BICD1: variants seen among roughly 807,000 people sequenced by gnomAD.
The protein encoded by BICD1 is protein bicaudal D homolog 1.
In BICD1, 35 loss-of-function variants were observed where a neutral mutation model predicts 92.5. That is an observed-to-expected ratio of 0.38 (90% CI 0.29 to 0.50). The LOEUF (loss-of-function observed/expected upper bound fraction) is 0.50. Ranked by LOEUF, BICD1 falls within the 20% of genes least tolerant of loss-of-function variation. The pLI is 0.93. For synonymous variants in BICD1, 429 were observed against 465.1 expected (o/e 0.92, Z 1.00); for missense variants, 950 against 1,189.8 (o/e 0.80, Z 2.97).
chr12:32,215,245 A>G (rs1565592599), intron 1 of BICD1, among the ~76,000 whole-genome samples: 1 of 152,192 alleles, frequency 6.6e-6, no homozygotes, highest in East Asian at 1.9e-4. Context: ...AAAAAGAACC[A>G]TGTGAAAAGG....
chr12:32,233,842 A>G (rs757730865), intron 2 of BICD1, among the ~76,000 whole-genome samples: 1 of 152,176 alleles, frequency 6.6e-6, no homozygotes, highest in African/African-American at 2.4e-5. Flanking sequence ...TCCAAAGAGC[A>G]TCCCAGTTGG....
chr12:32,165,029 C>A (rs986030643), intron 1 of BICD1, among the ~76,000 whole-genome samples: 22 of 152,168 alleles, frequency 1.4e-4, no homozygotes, highest in African/African-American at 5.3e-4. Context: ...GGAGGTCTCT[C>A]GAGAAAGATC....
At chr12:32,181,105 C>T (rs1944259813) in intron 1 of BICD1, among the ~76,000 whole-genome samples, 2 of 151,750 alleles carry the variant, frequency 1.3e-5, no homozygotes, top group South Asian at 2.1e-4. Flanking sequence ...CATACAAATA[C>T]TAAAGAGGTG....
rs1333591237 is a variant in BICD1 at position 32,117,892 on chromosome 12, A to C, written c.213+10348A>C. On this transcript the variant is annotated intron_variant, in intron 1 of 9. Coordinates refer to ENST00000652176, the MANE Select transcript of BICD1 (RefSeq NM_001714.4). ...CAGGCTCCCGAGTAGCTGGGATTACAGGCATGCACCACCATGCCCAGCTAA... is the reference window on the plus strand; with the variant it reads ...CAGGCTCCCGAGTAGCTGGGATTACCGGCATGCACCACCATGCCCAGCTAA... Among the ~76,000 whole-genome samples, 3 of 150,072 alleles carry C rather than the reference A, an allele frequency of 2.0e-5. No individual in the cohort carries two copies. In the East Asian group the frequency reaches 5.9e-4, roughly 29 times the overall value.
intron 5 of BICD1, among the ~76,000 whole-genome samples, chr12:32,330,430 G>A (rs1294115196): frequency 7.6e-6 from 1 of 131,074 alleles, no homozygotes; most frequent in Non-Finnish European, 1.6e-5. Context: ...GTTGTGGGGT[G>A]GGGGGAGGGG....
intron 1 of BICD1, among the ~76,000 whole-genome samples, chr12:32,120,883 GA>G (rs1565528982): frequency 2.3e-5 from 3 of 131,136 alleles, no homozygotes; most frequent in Non-Finnish European, 4.7e-5. Context: ...GAGAGAGAGA[GA>G]GAGAGAGAGA....
intron 1 of BICD1, among the ~76,000 whole-genome samples, chr12:32,205,145 T>C (rs1352850372): frequency 2.6e-5 from 4 of 152,218 alleles, no homozygotes; most frequent in African/African-American, 9.6e-5. Context: ...AGCTACTGCA[T>C]TGTTAGGACA....
chr12:32,340,018 C>T, intron 8 of BICD1: 1 of 915,870 alleles, frequency 1.1e-6, no homozygotes, highest in South Asian at 5.0e-5. Flanking sequence ...TACTTATACC[C>T]AGCCTGCTAT....
chr12:32,155,566 G>A (rs1943412978), intron 1 of BICD1, among the ~76,000 whole-genome samples: 1 of 152,156 alleles, frequency 6.6e-6, no homozygotes, highest in African/African-American at 2.4e-5. Context: ...ATGCTACAGA[G>A]AAAGGAAAGT....
rs1162662533 is a variant in BICD1, at chr12:32,142,405, T to TAAAAAAAAA, written c.213+34879_213+34887dup. On this transcript the variant is annotated intron_variant, in intron 1 of 9. Coordinates refer to ENST00000652176, the MANE Select transcript of BICD1 (RefSeq NM_001714.4). ...CTGGGCAAAAGAGTGAGACTCTGTC[T>TAAAAAAAAA]AAAAAAAAAAAAAAAAAAAAAAAAA... 1.4e-4 allele frequency among the ~76,000 whole-genome samples: 9 copies of TAAAAAAAAA among 63,392 alleles called. 1 individual carries two copies. Among genetic ancestry groups the TAAAAAAAAA allele is most frequent in the African/African-American group, 6.1e-4 (9 of 14,756 alleles). 41.6% of individuals were successfully genotyped at this position (63,392 alleles called of 152,430 possible).
chr12:32,226,512 T>C (rs1235039256), intron 2 of BICD1, among the ~76,000 whole-genome samples: 1 of 152,220 alleles, frequency 6.6e-6, no homozygotes, highest in Non-Finnish European at 1.5e-5. Flanking sequence ...ATCTCCTCAC[T>C]TCACACTTAG....
chr12:32,209,217 T>C (rs1945145591), intron 1 of BICD1, among the ~76,000 whole-genome samples: 1 of 152,262 alleles, frequency 6.6e-6, no homozygotes, highest in Non-Finnish European at 1.5e-5. Context: ...AGGATTTTTA[T>C]TAATACTTCA....
rs745352124 is a variant in BICD1 at position 32,334,156 on chromosome 12, TA to T, written c.2101-353del. Among the ~76,000 whole-genome samples, 20 of 152,300 alleles carry T rather than the reference TA, an allele frequency of 1.3e-4. No homozygotes were observed. The South Asian group carries it at 3.3e-3, about 25-fold the overall frequency. On this transcript the variant is annotated intron_variant, in intron 5 of 9. Transcript: ENST00000652176. Reference sequence around the variant, plus strand: ...CTGTGCTTCTTTACTAAATAATTGGTAAAAAAATTTTTTTTGTATAAAGTTT... The same window carrying T: ...CTGTGCTTCTTTACTAAATAATTGGTAAAAAATTTTTTTTGTATAAAGTTT...
chr12:32,270,281 A>G (rs1313696892), intron 2 of BICD1, among the ~76,000 whole-genome samples: 1 of 152,076 alleles, frequency 6.6e-6, no homozygotes, highest in Admixed American at 6.5e-5. Flanking sequence ...ATGGTACTAT[A>G]TTCGTATTAT....
intron 9 of BICD1, among the ~76,000 whole-genome samples, chr12:32,376,241 A>G (rs1367340728): frequency 4.6e-5 from 7 of 151,742 alleles, no homozygotes; most frequent in Non-Finnish European, 1.0e-4. Context: ...ACGCCACCAT[A>G]CCCAGCTAAT....
intron 1 of BICD1, among the ~76,000 whole-genome samples, chr12:32,130,693 G>GT (rs1466464351): frequency 1.3e-5 from 2 of 152,062 alleles, no homozygotes; most frequent in African/African-American, 4.8e-5. Flanking sequence ...GAGAAGCACT[G>GT]TTTAACATCT....
In BICD1 at chr12:32,337,812, A is replaced by C; in HGVS notation, c.2566A>C (p.Lys856Gln). Residue 856 changes from lysine to glutamine, a missense_variant, in exon 7 of 10, where the codon AAA becomes CAA. Transcript: ENST00000652176. The surrounding 1 kb of genome is among the most constrained non-coding windows in gnomAD (Gnocchi z 4.7). ...TCGGGTCAGCAGTGGCACTCAGAGG[A>C]AAAGGTATGCATGCAGCGATCTTCA... The part of the protein sequence containing the change: ...NIRVSSGTQR[K>Q]RQFSPSLCDQ... 6.2e-7 allele frequency: 1 copy of C among 1,613,996 alleles called. No individual in the cohort carries two copies. The highest frequency in any genetic ancestry group is 8.5e-7 in the Non-Finnish European group (1 of 1,179,884).
intron 9 of BICD1, among the ~76,000 whole-genome samples, chr12:32,370,796 T>C (rs1481187768): frequency 6.6e-6 from 1 of 152,224 alleles, no homozygotes; most frequent in Non-Finnish European, 1.5e-5. Flanking sequence ...TTTTTTAGTA[T>C]CTTACCATTC....
chr12:32,372,036 A>T (rs1405551973), intron 9 of BICD1, among the ~76,000 whole-genome samples: 1 of 152,230 alleles, frequency 6.6e-6, no homozygotes, highest in African/African-American at 2.4e-5. Context: ...TTTCAGTTAC[A>T]CTGTGAGGAG....
Sources: gnomAD v4.1 joint callset for allele counts (sites outside exome capture counted in the v4.1 genomes callset) on GRCh38, gnomAD v4.1.1 for gene constraint, Gnocchi (gnomAD v3.1) non-coding constraint, MANE v1.5 for transcripts, NCBI Gene and HGNC (gene_info 2026-07-23, HGNC 2026-07-21) for gene names.